SRPX2: variants seen among roughly 807,000 people sequenced by gnomAD.
SRPX2 encodes the protein sushi repeat containing protein X-linked 2, also known as sushi repeat-containing protein SRPX2.
Under a neutral mutation model 45.3 loss-of-function variants are expected in SRPX2, and 26 were observed. The observed-to-expected ratio is 0.57, with a 90% CI of 0.42 to 0.80. The LOEUF (loss-of-function observed/expected upper bound fraction) is 0.80, where lower values mean the gene tolerates loss of function less well. Ranked by LOEUF, SRPX2 falls within the 30% of genes least tolerant of loss-of-function variation. SRPX2 has a pLI of 0.00. For synonymous variants in SRPX2, 125 were observed against 143.7 expected (o/e 0.87, Z 0.93); for missense variants, 355 against 399.8 (o/e 0.89, Z 0.95).
chrX:100,669,610 T>C (rs1329511113), intron 10 of SRPX2, among the ~76,000 whole-genome samples: 3 of 110,219 alleles, frequency 2.7e-5, no homozygotes, highest in African/African-American at 9.9e-5. Context: ...GGCCCCATCC[T>C]AAACCACCTT....
chrX:100,652,085 T>C (rs762459271), intron 3 of SRPX2, among the ~76,000 whole-genome samples: 4 of 112,178 alleles, frequency 3.6e-5, no homozygotes, highest in Non-Finnish European at 5.6e-5. Context: ...TAAATTGTCA[T>C]TTTAGAACAT....
At chrX:100,666,005 T>C (rs535665694) in intron 7 of SRPX2, among the ~76,000 whole-genome samples, 1 of 112,396 alleles carries the variant, frequency 8.9e-6, no homozygotes, top group African/African-American at 3.2e-5. Context: ...AAACTGGTGG[T>C]GTTGGCTGCC....
chrX:100,662,368 G>A lies in SRPX2; in HGVS notation c.355+1G>A. The A allele has an allele frequency of 2.5e-6, 3 of 1,211,140 alleles. No homozygotes were observed. Among genetic ancestry groups the A allele is most frequent in the Non-Finnish European group, 1.1e-6 (1 of 895,520 alleles). ...TGGTCTGGAACTGCCTACTGCAGGC[G>A]TAAGTTGTGTGTGTGCATATGCTGA... is the stretch of plus-strand genomic sequence containing the variant. On this transcript the variant is annotated splice_donor_variant, in intron 4 of 10. Transcript: ENST00000373004. LOFTEE classifies it high-confidence loss of function.
At position 100,674,778 on chromosome X, in the gene SRPX2, C is replaced by T. The variant is rs936918158; in HGVS notation, c.*3791C>T. ...TTCCACACACAACTTTGGGTAGAAA[C>T]GCTTATGAGAATAGAAAGGTCAGTT... On this transcript the variant is annotated 3_prime_UTR_variant, in exon 11 of 11. Transcript: ENST00000373004. The T allele has an allele frequency of 3.6e-5, 4 of 111,744 alleles. No homozygotes were observed. The highest frequency in any genetic ancestry group is 5.6e-5 in the Non-Finnish European group (3 of 53,188). 9.2% of individuals were successfully genotyped at this position (111,744 alleles called of 1,213,427 possible).
chrX:100,667,961 C>G (rs749284437), intron 9 of SRPX2, among the ~76,000 whole-genome samples: 4 of 111,564 alleles, frequency 3.6e-5, no homozygotes, highest in Non-Finnish European at 7.5e-5. Flanking sequence ...CACAGGGAGT[C>G]TGGCTGCAGA....
Position 100,670,903 on chromosome X carries a change from G to A in SRPX2, c.1314G>A (p.Glu438=). ...RDRYMEPVTP[E]EIFTFIDDYL... ...GCTACATGGAACCTGTCACCCCCGA[G>A]GAAATCTTCACATTCATTGATGACT... Residue 438 remains glutamate (E), a synonymous_variant, in exon 11 of 11, where the codon GAG becomes GAA. Coordinates refer to ENST00000373004, the MANE Select transcript of SRPX2 (RefSeq NM_014467.3). The A allele has an allele frequency of 8.3e-7, 1 of 1,211,685 alleles. No individual in the cohort carries two copies. The highest frequency in any genetic ancestry group is 1.1e-6 in the Non-Finnish European group (1 of 895,494).
chrX:100,646,752 C>A (rs930399731), intron 2 of SRPX2, among the ~76,000 whole-genome samples: 3 of 111,176 alleles, frequency 2.7e-5, no homozygotes, highest in Non-Finnish European at 5.7e-5. Flanking sequence ...AATATTAATT[C>A]TTTTATGAGT....
rs189524417 is a variant in SRPX2 at position 100,668,397 on chromosome X, T to G, written c.1096-851T>G. ...GTCTAGACCAAAAAGAGGGCCTTAT[T>G]CATCTAGAGATCCAAAAAGACTGAC... On this transcript the variant is annotated intron_variant, in intron 9 of 10. Coordinates refer to ENST00000373004, the MANE Select transcript of SRPX2 (RefSeq NM_014467.3). Among the ~76,000 whole-genome samples the G allele has an allele frequency of 2.1e-3, 223 of 106,426 alleles. 2 individuals are homozygous for G. Among genetic ancestry groups the G allele is most frequent in the Non-Finnish European group, 3.4e-3 (177 of 51,815 alleles). The allele number at this position is 106,426 out of a possible 115,157, so 92.4% of individuals were successfully genotyped here.
chrX:100,665,095 T>C (rs1287257485), intron 5 of SRPX2, 145 bp downstream of exon 5: 1 of 1,062,434 alleles, frequency 9.4e-7, no homozygotes, highest in African/African-American at 1.8e-5. Flanking sequence ...AAAATGATCT[T>C]CTCCCCTGAA....
At position 100,671,346 on chromosome X, in the gene SRPX2, C is replaced by T. The variant is rs998607832; in HGVS notation, c.*359C>T. On this transcript the variant is annotated 3_prime_UTR_variant, in exon 11 of 11. Coordinates refer to ENST00000373004, the MANE Select transcript of SRPX2 (RefSeq NM_014467.3). Reference sequence around the variant, plus strand: ...TCTACCCTGAGGTGACAGCAGAGGGCAGCACGAGCACAACAGAAACCAGCT... The same window carrying T: ...TCTACCCTGAGGTGACAGCAGAGGGTAGCACGAGCACAACAGAAACCAGCT... 2 of 257,832 alleles carry T rather than the reference C, an allele frequency of 7.8e-6. No homozygotes were observed. Among genetic ancestry groups the T allele is most frequent in the Admixed American group, 5.3e-5 (1 of 18,773 alleles). The allele number at this position is 257,832 out of a possible 1,213,427, so 21.2% of individuals were successfully genotyped here.
In SRPX2 at chrX:100,656,533, CT is replaced by C. The variant is rs762148458; in HGVS notation, c.164-5638del. 3.3e-3 allele frequency among the ~76,000 whole-genome samples: 372 copies of C among 111,854 alleles called. No individual in the cohort carries two copies. The Middle Eastern group carries it at 0.041, about 12-fold the overall frequency. ...CTATTCTCTATGTCCATGAGATTAA[CT>C]TTTTAGCACCCACAATTAAATGAGA... On this transcript the variant is annotated intron_variant, in intron 3 of 10. Coordinates refer to ENST00000373004, the MANE Select transcript of SRPX2 (RefSeq NM_014467.3).
At chrX:100,670,254 G>C (rs760638980) in intron 10 of SRPX2, among the ~76,000 whole-genome samples, 1 of 111,649 alleles carries the variant, frequency 9.0e-6, no homozygotes, top group East Asian at 2.8e-4. Context: ...TTTTAGAGCA[G>C]TGCCTCTAAA....
intron 3 of SRPX2, among the ~76,000 whole-genome samples, chrX:100,661,959 T>G (rs930563341): frequency 2.3e-3 from 226 of 100,304 alleles, no homozygotes; most frequent in Middle Eastern, 5.0e-3. Flanking sequence ...TTTTTTTTTT[T>G]GCATATGGAA....
Position 100,665,519 on chromosome X carries a change from CA to C in SRPX2, c.660-16del, listed in dbSNP as rs764480482. The C allele has an allele frequency of 1.9e-4, 224 of 1,210,194 alleles. No homozygotes were observed. In the African/African-American group the frequency reaches 3.4e-3, roughly 18 times the overall value. Reference sequence around the variant, plus strand: ...GGGTCTCTTTCCTCAGTGTTTATTTCACCCTGTCCCATGCAGGGTGACACTT... The same window carrying C: ...GGGTCTCTTTCCTCAGTGTTTATTTCCCCTGTCCCATGCAGGGTGACACTT... On this transcript the variant is annotated splice_polypyrimidine_tract_variant and intron_variant, in intron 6 of 10. Coordinates refer to ENST00000373004, the MANE Select transcript of SRPX2 (RefSeq NM_014467.3).
Position 100,667,288 on chromosome X carries a change from G to A in SRPX2, c.976G>A (p.Val326Ile), listed in dbSNP as rs750323803. Residue 326 changes from valine to isoleucine, a missense_variant, in exon 9 of 11, where the codon GTC becomes ATC. Coordinates refer to ENST00000373004, the MANE Select transcript of SRPX2 (RefSeq NM_014467.3). The part of the protein sequence containing the change: ...PPICAPMKIN[V>I]NVNSAAGLLD... ...TTCTGCCCTAGCTATGAAGATTAACGTCAACGTCAACTCAGCTGCTGGTCT... is the reference window on the plus strand; with the variant it reads ...TTCTGCCCTAGCTATGAAGATTAACATCAACGTCAACTCAGCTGCTGGTCT... The A allele has an allele frequency of 3.7e-5, 45 of 1,209,561 alleles. No homozygotes were observed. The East Asian group carries it at 8.9e-4, about 24-fold the overall frequency.
At chrX:100,647,760 C>G (rs1162558235) in intron 2 of SRPX2, among the ~76,000 whole-genome samples, 1 of 112,667 alleles carries the variant, frequency 8.9e-6, no homozygotes, top group Non-Finnish European at 1.9e-5. Context: ...GGCGTGAGCA[C>G]AGAGCAGTTT....
intron 7 of SRPX2, among the ~76,000 whole-genome samples, chrX:100,666,387 C>T (rs1013196551): frequency 8.0e-5 from 9 of 111,904 alleles, no homozygotes; most frequent in Admixed American, 1.9e-4. Flanking sequence ...CACCAATGAA[C>T]ATTTAAGATT....
intron 2 of SRPX2, among the ~76,000 whole-genome samples, chrX:100,646,791 G>A: frequency 9.0e-6 from 1 of 111,550 alleles, no homozygotes; most frequent in Non-Finnish European, 1.9e-5. Context: ...CCACAAAAAT[G>A]GACTTAGACC....
intron 3 of SRPX2, among the ~76,000 whole-genome samples, chrX:100,654,032 C>T (rs1228441471): frequency 1.8e-5 from 2 of 112,134 alleles, no homozygotes; most frequent in Non-Finnish European, 3.8e-5. Flanking sequence ...AGATGCTGAC[C>T]ACTAGCATCC....
Sources: allele counts gnomAD v4.1 joint callset (sites outside exome capture counted in the v4.1 genomes callset), GRCh38; gene constraint gnomAD v4.1.1; transcripts MANE v1.5; gene names NCBI Gene and HGNC (gene_info 2026-07-23, HGNC 2026-07-21).